ERC1: variants seen among roughly 807,000 people sequenced by gnomAD.
ERC1 encodes ELKS/RAB6-interacting/CAST family member 1.
A neutral mutation model predicts 132.0 loss-of-function variants in ERC1; 56 were observed. The ratio of observed to expected loss-of-function variants is 0.42; its 90% CI spans 0.34 to 0.53. The LOEUF is 0.53. Among genes scored for constraint, ERC1 ranks in the 20% least tolerant of loss-of-function variants. The pLI is 0.03. For synonymous variants in ERC1, 478 were observed against 476.1 expected, an observed-to-expected ratio of 1.00 and a Z score of -0.05; for missense variants, 1,202 against 1,349.9, an observed-to-expected ratio of 0.89 and a Z score of 1.72.
At chr12:1,357,467 G>A (rs2154369190) in intron 15 of ERC1, among the ~76,000 whole-genome samples, 1 of 152,310 alleles carries the variant, frequency 6.6e-6, no homozygotes, top group Non-Finnish European at 1.5e-5. Context: ...TCTTAAAACA[G>A]ACATCTAAAT....
rs142845135 is a variant in ERC1 at position 1,244,777 on chromosome 12, T to C, written c.2487+7873T>C. The stretch of plus-strand genomic sequence containing the variant: ...CATGTGATCTGCCTGCCTCGGCCTC[T>C]ACAAGTGCTGGGATTACAGGTGTGA... On this transcript the variant is annotated intron_variant, in intron 13 of 18. Coordinates refer to ENST00000360905, the MANE Select transcript of ERC1 (RefSeq NM_178040.4). The C allele has an allele frequency of 1.5e-5, 4 of 272,832 alleles. No individual in the cohort carries two copies. In the Admixed American group the frequency reaches 1.9e-4, roughly 13 times the overall value. 16.9% of individuals were successfully genotyped at this position (272,832 alleles called of 1,614,324 possible).
chr12:1,317,226 A>G (rs1286897994), intron 15 of ERC1, among the ~76,000 whole-genome samples: 2 of 152,038 alleles, frequency 1.3e-5, no homozygotes, highest in African/African-American at 2.4e-5. Context: ...ATGCAGCCAT[A>G]AAAAAGGATG....
intron 12 of ERC1, among the ~76,000 whole-genome samples, chr12:1,217,556 A>T (rs1376953706): frequency 6.6e-6 from 1 of 152,164 alleles, no homozygotes; most frequent in Non-Finnish European, 1.5e-5. Flanking sequence ...TAAATGTGGA[A>T]CAGATTGTTA....
In ERC1 at chr12:1,406,868, C is replaced by G. The variant is rs140870821; in HGVS notation, c.2926-1281C>G. On this transcript the variant is annotated intron_variant, in intron 16 of 18. Transcript: ENST00000360905. Reference sequence around the variant, plus strand: ...ACAGCCTGGGTGACAGAATGAGACTCTCTCTAAAATATAACAAAGAAAACC... The same window carrying G: ...ACAGCCTGGGTGACAGAATGAGACTGTCTCTAAAATATAACAAAGAAAACC... 4.9e-3 allele frequency among the ~76,000 whole-genome samples: 746 copies of G among 152,228 alleles called. 3 individuals carry two copies. The highest frequency in any genetic ancestry group is 0.017 in the African/African-American group (707 of 41,530).
At chr12:1,223,703 C>T (rs575185492) in intron 12 of ERC1, among the ~76,000 whole-genome samples, 1 of 152,268 alleles carries the variant, frequency 6.6e-6, no homozygotes, top group South Asian at 2.1e-4. Flanking sequence ...TTTTATTCAT[C>T]ATTTCACTGT....
At chr12:1,065,438 A>T (rs1938930961) in intron 2 of ERC1, among the ~76,000 whole-genome samples, 1 of 133,042 alleles carries the variant, frequency 7.5e-6, no homozygotes, top group African/African-American at 2.9e-5. Flanking sequence ...CTCCTTGTTG[A>T]ATTTTTCACT....
chr12:1,252,307 T>C (rs2076519774), intron 13 of ERC1, among the ~76,000 whole-genome samples: 1 of 152,196 alleles, frequency 6.6e-6, no homozygotes, highest in African/African-American at 2.4e-5. Context: ...GTCAGCCTCT[T>C]ATGGGCCACA....
At chr12:1,290,645 CAT>C (rs1331206086) in intron 15 of ERC1, among the ~76,000 whole-genome samples, 2 of 152,136 alleles carry the variant, frequency 1.3e-5, no homozygotes, top group Middle Eastern at 3.2e-3. Flanking sequence ...TTAAAACAAA[CAT>C]GTGTCTTTTG....
chr12:1,074,832 ACT>A (rs1436591676), intron 2 of ERC1, among the ~76,000 whole-genome samples: 6 of 151,998 alleles, frequency 3.9e-5, no homozygotes, highest in Admixed American at 2.0e-4. Context: ...CATTTTCTTG[ACT>A]CTGACATCTT....
intron 17 of ERC1, among the ~76,000 whole-genome samples, chr12:1,437,480 A>G (rs1431875965): frequency 1.3e-5 from 2 of 152,218 alleles, no homozygotes; most frequent in Admixed American, 6.5e-5. Context: ...AGACACATAG[A>G]TATGCTCAGC....
chr12:1,453,999 GT>G (rs1378872016), intron 18 of ERC1, among the ~76,000 whole-genome samples: 1 of 151,952 alleles, frequency 6.6e-6, no homozygotes, highest in African/African-American at 2.4e-5. Context: ...ATGGAGACTG[GT>G]TACCAAGGGA....
intron 18 of ERC1, among the ~76,000 whole-genome samples, chr12:1,458,585 A>G (rs2093588014): frequency 6.6e-6 from 1 of 151,146 alleles, no homozygotes; most frequent in African/African-American, 2.4e-5. Context: ...CCCAGGCTGA[A>G]GTGCAATGGC....
intron 18 of ERC1, among the ~76,000 whole-genome samples, chr12:1,461,741 A>G (rs1172895419): frequency 6.6e-6 from 1 of 152,222 alleles, no homozygotes; most frequent in African/African-American, 2.4e-5. Flanking sequence ...CTTAATAAAG[A>G]AATGTGTTTT....
At chr12:1,418,852 A>T (rs116675483) in intron 17 of ERC1, among the ~76,000 whole-genome samples, 17 of 151,800 alleles carry the variant, frequency 1.1e-4, no homozygotes. Flanking sequence ...AGCAGGGACT[A>T]CACGCGTGTA....
At chr12:1,190,234 G>A (rs1383600925) in intron 12 of ERC1, 182 bp downstream of exon 12, 1 of 738,418 alleles carries the variant, frequency 1.4e-6, no homozygotes, top group Non-Finnish European at 2.5e-6. Context: ...TGTCTGAAAG[G>A]CAACATAGAA....
At chr12:1,029,164 C>T (rs948451698) in intron 2 of ERC1, among the ~76,000 whole-genome samples, 2 of 151,920 alleles carry the variant, frequency 1.3e-5, no homozygotes, top group African/African-American at 2.4e-5. Context: ...ACCAGCCTGG[C>T]GACGTGGTGA....
intron 15 of ERC1, among the ~76,000 whole-genome samples, chr12:1,342,054 A>C (rs1009760528): frequency 6.6e-6 from 1 of 152,096 alleles, no homozygotes; most frequent in African/African-American, 2.4e-5. Flanking sequence ...ACAAAACAGG[A>C]GATTATATTA....
At position 1,332,815 on chromosome 12, in the gene ERC1, A is replaced by G. The variant is rs571728667; in HGVS notation, c.2781-39018A>G. On this transcript the variant is annotated intron_variant, in intron 15 of 18. Coordinates refer to ENST00000360905, the MANE Select transcript of ERC1 (RefSeq NM_178040.4). Reference sequence around the variant, plus strand: ...ACAGGTGGGGAAAATAATAAACTGCATGTCCTATGTAAGAGCATAGGGAGG... The same window carrying G: ...ACAGGTGGGGAAAATAATAAACTGCGTGTCCTATGTAAGAGCATAGGGAGG... Among the ~76,000 whole-genome samples, 4 of 152,322 alleles carry G rather than the reference A, an allele frequency of 2.6e-5. No individual in the cohort carries two copies. The East Asian group carries it at 7.7e-4, about 29-fold the overall frequency.
intron 15 of ERC1, among the ~76,000 whole-genome samples, chr12:1,343,269 T>C (rs1272790408): frequency 6.6e-6 from 1 of 152,094 alleles, no homozygotes; most frequent in Non-Finnish European, 1.5e-5. Flanking sequence ...CAAAAGGGAG[T>C]GCCATTCGTC....
Sources: allele counts gnomAD v4.1 joint callset (sites outside exome capture counted in the v4.1 genomes callset), GRCh38; gene constraint gnomAD v4.1.1; transcripts MANE v1.5; gene names NCBI Gene and HGNC (gene_info 2026-07-23, HGNC 2026-07-21).